The following PPP1R9A variants were observed in gnomAD, a reference collection of about 807,000 sequenced individuals.
The protein encoded by PPP1R9A is neurabin-1.
A neutral mutation model predicts 141.9 loss-of-function variants in PPP1R9A; 59 were observed. The observed-to-expected ratio is 0.42, with a 90% CI of 0.34 to 0.52. The LOEUF (loss-of-function observed/expected upper bound fraction) is 0.52. Ranked by LOEUF, PPP1R9A falls within the 20% of genes least tolerant of loss-of-function variation. PPP1R9A has a pLI of 0.10. For missense variants in PPP1R9A, 1,444 were observed against 1,611.9 expected (o/e 0.90, Z 1.78); for synonymous variants, 500 against 569.7 (o/e 0.88, Z 1.74).
intron 2 of PPP1R9A, among the ~76,000 whole-genome samples, chr7:95,012,416 A>G (rs924308002): frequency 6.6e-6 from 1 of 152,096 alleles, no homozygotes; most frequent in Admixed American, 6.6e-5. Flanking sequence ...AATCACCCCC[A>G]TGATCCAATC....
At chr7:95,086,791 A>C (rs1816690211) in intron 2 of PPP1R9A, among the ~76,000 whole-genome samples, 1 of 152,070 alleles carries the variant, frequency 6.6e-6, no homozygotes, top group South Asian at 2.1e-4. Context: ...GATCAGTGAA[A>C]ATCACATCAA....
At chr7:95,081,978 G>A (rs1815910670) in intron 2 of PPP1R9A, among the ~76,000 whole-genome samples, 1 of 152,070 alleles carries the variant, frequency 6.6e-6, no homozygotes, top group South Asian at 2.1e-4. Flanking sequence ...CCACTTCAGG[G>A]GGCTTATAGT....
intron 2 of PPP1R9A, chr7:95,036,625 CA>C (rs1156313412): frequency 1.3e-5 from 2 of 152,168 alleles, no homozygotes; most frequent in African/African-American, 2.4e-5. Flanking sequence ...GAAAGTGCCA[CA>C]AAAAGCACTG....
intron 5 of PPP1R9A, among the ~76,000 whole-genome samples, chr7:95,171,516 A>G (rs1313367426): frequency 6.6e-6 from 1 of 151,620 alleles, no homozygotes; most frequent in Non-Finnish European, 1.5e-5. Flanking sequence ...GTGTAATTAC[A>G]TATTCCACAG....
At chr7:95,044,648 A>G (rs1043226793) in intron 2 of PPP1R9A, among the ~76,000 whole-genome samples, 1 of 149,058 alleles carries the variant, frequency 6.7e-6, no homozygotes, top group Admixed American at 6.7e-5. Context: ...GGGCTCAAGC[A>G]GTTCTTCCAA....
At chr7:95,100,345 A>G (rs1584685590) in intron 2 of PPP1R9A, among the ~76,000 whole-genome samples, 1 of 152,204 alleles carries the variant, frequency 6.6e-6, no homozygotes, top group African/African-American at 2.4e-5. Flanking sequence ...ACAAAAATAC[A>G]TACTTGATTT....
At chr7:95,099,086 A>G (rs1312784826) in intron 2 of PPP1R9A, among the ~76,000 whole-genome samples, 6 of 152,106 alleles carry the variant, frequency 3.9e-5, no homozygotes, top group African/African-American at 9.7e-5. Flanking sequence ...ATTTTCCTCC[A>G]TGGGCTTTTA....
At chr7:95,057,341 A>C (rs891732743) in intron 2 of PPP1R9A, among the ~76,000 whole-genome samples, 5 of 152,132 alleles carry the variant, frequency 3.3e-5, no homozygotes, top group African/African-American at 9.7e-5. Context: ...GGGAAAATTT[A>C]AATTGTCTCC....
chr7:95,059,811 G>A (rs1811980663), intron 2 of PPP1R9A, among the ~76,000 whole-genome samples: 1 of 152,052 alleles, frequency 6.6e-6, no homozygotes, highest in South Asian at 2.1e-4. Flanking sequence ...AATGTGTACT[G>A]TGTCATTTTG....
At chr7:94,959,529 C>A (rs191242281) in intron 2 of PPP1R9A, among the ~76,000 whole-genome samples, 390 of 151,608 alleles carry the variant, frequency 2.6e-3, no homozygotes, top group Non-Finnish European at 4.1e-3. Flanking sequence ...AAACTCTATA[C>A]ATTTAATATA....
chr7:95,002,236 C>T (rs1803034968), intron 2 of PPP1R9A, among the ~76,000 whole-genome samples: 1 of 152,128 alleles, frequency 6.6e-6, no homozygotes. Flanking sequence ...ATGACTATTA[C>T]TACAAAAATT....
chr7:95,218,424 C>T (rs1040489792), intron 7 of PPP1R9A, among the ~76,000 whole-genome samples: 1 of 152,128 alleles, frequency 6.6e-6, no homozygotes, highest in African/African-American at 2.4e-5. Context: ...CGATGTGGTG[C>T]TGAGAAGAAT....
chr7:94,941,684 G>A (rs936049188), intron 2 of PPP1R9A, among the ~76,000 whole-genome samples: 1 of 151,888 alleles, frequency 6.6e-6, no homozygotes, highest in Non-Finnish European at 1.5e-5. Flanking sequence ...TGATAAATAA[G>A]TGTTTGTGGG....
intron 2 of PPP1R9A, among the ~76,000 whole-genome samples, chr7:94,999,863 A>G (rs1207307841): frequency 6.6e-6 from 1 of 151,742 alleles, no homozygotes; most frequent in Non-Finnish European, 1.5e-5. Flanking sequence ...GTGCAGTGGC[A>G]TGATCTTAGC....
intron 2 of PPP1R9A, among the ~76,000 whole-genome samples, chr7:94,969,848 A>G (rs1798661912): frequency 6.6e-6 from 1 of 152,082 alleles, no homozygotes; most frequent in Admixed American, 6.5e-5. Flanking sequence ...CCCTGCCCAG[A>G]GAGGAGGAAT....
chr7:94,996,859 A>G (rs577815355), intron 2 of PPP1R9A, among the ~76,000 whole-genome samples: 9 of 145,516 alleles, frequency 6.2e-5, no homozygotes, highest in African/African-American at 2.1e-4. Flanking sequence ...CTGGAGTGCA[A>G]TGGCACAATT....
chr7:95,107,175 C>G (rs1025228830), intron 2 of PPP1R9A, among the ~76,000 whole-genome samples: 1 of 152,156 alleles, frequency 6.6e-6, no homozygotes, highest in Non-Finnish European at 1.5e-5. Context: ...TTTAATAAAG[C>G]TGAACATCTT....
chr7:95,054,025 A>T (rs769559592), intron 2 of PPP1R9A, among the ~76,000 whole-genome samples: 2 of 152,274 alleles, frequency 1.3e-5, no homozygotes, highest in African/African-American at 4.8e-5. Context: ...GTTTATGTTG[A>T]GTATACAGAG....
At chr7:95,270,825 A>T (rs893872867) in intron 14 of PPP1R9A, among the ~76,000 whole-genome samples, 1 of 152,210 alleles carries the variant, frequency 6.6e-6, no homozygotes, top group African/African-American at 2.4e-5. Flanking sequence ...TGTGTTCAAA[A>T]ATATTCATTG....
Sources: allele counts gnomAD v4.1 joint callset (sites outside exome capture counted in the v4.1 genomes callset), GRCh38; gene constraint gnomAD v4.1.1; transcripts MANE v1.5; gene names NCBI Gene and HGNC (gene_info 2026-07-23, HGNC 2026-07-21).